Variants in IGFBP6 observed in about 807,000 individuals in gnomAD.
IGFBP6 encodes insulin like growth factor binding protein 6.
IGFBP6 carries 24 observed loss-of-function variants against 24.5 expected under a neutral mutation model. That is an observed-to-expected ratio of 0.98 (90% CI 0.71 to 1.38). The LOEUF (loss-of-function observed/expected upper bound fraction) is 1.38, where lower values mean the gene tolerates loss of function less well. IGFBP6 is among the 40% of genes most tolerant of loss of function. The probability of loss-of-function intolerance (pLI) is 0.00; values close to 1 mark genes in which losing one functional copy is unlikely to be tolerated. For synonymous variants in IGFBP6, 147 were observed against 137.4 expected (o/e 1.07, Z -0.49); for missense variants, 331 against 324.8 (o/e 1.02, Z -0.15).
At position 53,097,715 on chromosome 12, in the gene IGFBP6, A is replaced by C; in HGVS notation, c.-3A>C. 2 of 1,544,228 alleles carry C rather than the reference A, an allele frequency of 1.3e-6. No homozygotes were observed. The highest frequency in any genetic ancestry group is 1.7e-6 in the Non-Finnish European group (2 of 1,146,378). ...AGGAGAGGACGGGGCACAAACCCTGACCATGACCCCCCACAGGCTGCTGCC... is the reference window on the plus strand; with the variant it reads ...AGGAGAGGACGGGGCACAAACCCTGCCCATGACCCCCCACAGGCTGCTGCC... On this transcript the variant is annotated 5_prime_UTR_variant, in exon 1 of 4. Coordinates refer to ENST00000301464, the MANE Select transcript of IGFBP6 (RefSeq NM_002178.3).
intron 3 of IGFBP6, 90 bp from the exon 4 acceptor site, chr12:53,101,955 G>T: frequency 1.2e-5 from 10 of 821,562 alleles, no homozygotes; most frequent in Non-Finnish European, 1.7e-5. Context: ...ACGCTCAGGT[G>T]TTTTTACATC....
chr12:53,101,036 C>T lies in IGFBP6; in HGVS notation c.481-5C>T. On this transcript the variant is annotated splice_region_variant and splice_polypyrimidine_tract_variant and intron_variant, in intron 2 of 3. Coordinates refer to ENST00000301464, the MANE Select transcript of IGFBP6 (RefSeq NM_002178.3). ...GTTCTAAGCTGCCTACTCTCCCTTC[C>T]CCAGGGCCCATGCCGTAGACATCTG... 1 of 1,613,788 alleles carries T rather than the reference C, an allele frequency of 6.2e-7. No individual in the cohort carries two copies. The highest frequency in any genetic ancestry group is 1.1e-5 in the South Asian group (1 of 91,080).
At chr12:53,098,560 G>T (rs1468448858) in intron 1 of IGFBP6, among the ~76,000 whole-genome samples, 5 of 152,200 alleles carry the variant, frequency 3.3e-5, no homozygotes, top group African/African-American at 1.2e-4. Context: ...AACAGGAGGC[G>T]TCTAGAACCG....
chr12:53,101,860 A>T (rs556410570), intron 3 of IGFBP6, among the ~76,000 whole-genome samples, 185 bp from the exon 4 acceptor site: 2 of 139,096 alleles, frequency 1.4e-5, no homozygotes, highest in African/African-American at 5.4e-5. Flanking sequence ...GATCATGCCA[A>T]TGCATTCCAG....
At position 53,097,675 on chromosome 12, in the gene IGFBP6, T is replaced by C; in HGVS notation, c.-43T>C. On this transcript the variant is annotated 5_prime_UTR_variant, in exon 1 of 4. Transcript: ENST00000301464. ...GGGCGGCGGCGGGCAGCAGCTGCGC[T>C]GCGACTGCTCTGGAAGGAGAGGACG... 2 of 1,521,118 alleles carry C rather than the reference T, an allele frequency of 1.3e-6. No homozygotes were observed. The highest frequency in any genetic ancestry group is 1.8e-6 in the Non-Finnish European group (2 of 1,138,892). 94.2% of individuals were successfully genotyped at this position (1,521,118 alleles called of 1,614,324 possible).
Position 53,100,766 on chromosome 12 carries a change from A to G in IGFBP6, c.389A>G (p.Gln130Arg), listed in dbSNP as rs1937812922. 3.1e-6 allele frequency: 5 copies of G among 1,614,064 alleles called. No individual in the cohort carries two copies. The highest frequency in any genetic ancestry group is 2.7e-5 in the African/African-American group (2 of 74,936). Reference protein sequence around the residue: ...SKPQAGTARPQDVNRRDQQRN... With the variant: ...SKPQAGTARPRDVNRRDQQRN... ...CCCCAAGCAGGCACTGCCCGCCCAC[A>G]GGATGTGAACCGCAGAGACCAACAG... The change falls in exon 2 of 4, where the codon CAG becomes CGG. Residue 130 changes from glutamine to arginine, a missense_variant. By Grantham distance (43) the Gln-to-Arg change is conservative. Transcript: ENST00000301464.
At chr12:53,098,999 G>C in intron 1 of IGFBP6, 1 of 184,028 alleles carries the variant, frequency 5.4e-6, no homozygotes, top group Non-Finnish European at 1.2e-5. Context: ...GGAACTAAAT[G>C]GTTGGGTGCT....
chr12:53,100,309 G>A (rs558952928), intron 1 of IGFBP6, among the ~76,000 whole-genome samples: 5 of 152,104 alleles, frequency 3.3e-5, no homozygotes, highest in East Asian at 3.9e-4. Flanking sequence ...GCAGGTGCAC[G>A]CCACCACACC....
At position 53,097,756 on chromosome 12, in the gene IGFBP6, G is replaced by T. The variant is rs748160271; in HGVS notation, c.39G>T (p.Leu13=). ...GGCTGCTGCCACCGCTGCTGCTGCT[G>T]CTAGCTCTGCTGCTCGCTGCCAGCC... ...PHRLLPPLLL[L]LALLLAASPG... The change falls in exon 1 of 4, where the codon CTG becomes CTT. Residue 13 remains leucine (L), a synonymous_variant. Transcript: ENST00000301464. The T allele has an allele frequency of 2.6e-6, 4 of 1,545,398 alleles. No homozygotes were observed. Among genetic ancestry groups the T allele is most frequent in the Non-Finnish European group, 3.5e-6 (4 of 1,146,342 alleles).
In IGFBP6 at chr12:53,098,068, C is replaced by G. The variant is rs957876315; in HGVS notation, c.334+17C>G. On this transcript the variant is annotated intron_variant, in intron 1 of 3. Coordinates refer to ENST00000301464, the MANE Select transcript of IGFBP6 (RefSeq NM_002178.3). Reference sequence around the variant, plus strand: ...CGCCTGCTGGTGAGTCCGCGCCCCGCCCCTGCCCCGCCCACGTGAGACCCG... The same window carrying G: ...CGCCTGCTGGTGAGTCCGCGCCCCGGCCCTGCCCCGCCCACGTGAGACCCG... 7.1e-7 allele frequency: 1 copy of G among 1,411,296 alleles called. No individual in the cohort carries two copies. Among genetic ancestry groups the G allele is most frequent in the Non-Finnish European group, 9.1e-7 (1 of 1,093,002 alleles). The allele number at this position is 1,411,296 out of a possible 1,614,324, so 87.4% of individuals were successfully genotyped here.
chr12:53,101,898 CAAAAAAAAAAA>C (rs57771658), intron 3 of IGFBP6, 136 bp from the exon 4 acceptor site: 24 of 199,426 alleles, frequency 1.2e-4, no homozygotes, highest in African/African-American at 4.6e-4. Flanking sequence ...GACTCCATCT[CAAAAAAAAAAA>C]AAAAAAAAAA....
At chr12:53,100,983 G>A in intron 2 of IGFBP6, 58 bp from the exon 3 acceptor site, 1 of 1,606,096 alleles carries the variant, frequency 6.2e-7, no homozygotes, top group Non-Finnish European at 8.5e-7. Flanking sequence ...TGGGCCAGAA[G>A]GTTGGAATGG....
chr12:53,101,835 G>T (rs1286226245), intron 3 of IGFBP6, among the ~76,000 whole-genome samples: 1 of 141,344 alleles, frequency 7.1e-6, no homozygotes, highest in African/African-American at 2.6e-5. Context: ...GGAGGTGGAG[G>T]TTGCAGTGAG....
chr12:53,100,641 A>G (rs1182684177), intron 1 of IGFBP6, 71 bp from the exon 2 acceptor site: 1 of 1,500,846 alleles, frequency 6.7e-7, no homozygotes, highest in Non-Finnish European at 9.2e-7. Flanking sequence ...TCAGCAGGTG[A>G]TGTGGGCAAG....
chr12:53,100,931 G>A (rs1937816298), intron 2 of IGFBP6, 74 bp downstream of exon 2: 2 of 1,605,832 alleles, frequency 1.2e-6, no homozygotes, highest in East Asian at 2.2e-5. Context: ...GCTCCCTTGG[G>A]CTTGGAGACG....
In IGFBP6 at chr12:53,102,030, T is replaced by C; in HGVS notation, c.601-15T>C. On this transcript the variant is annotated splice_polypyrimidine_tract_variant and intron_variant, in intron 3 of 3. Coordinates refer to ENST00000301464, the MANE Select transcript of IGFBP6 (RefSeq NM_002178.3). ...CCTCTGGCCTCACTCCTGACCTGTG[T>C]GCCTCTCTCTCCAGTGCCGCTCCTC... 1 of 1,611,862 alleles carries C rather than the reference T, an allele frequency of 6.2e-7. No individual in the cohort carries two copies. The highest frequency in any genetic ancestry group is 8.5e-7 in the Non-Finnish European group (1 of 1,179,538).
rs1276034029 is a variant in IGFBP6, at chr12:53,097,900, G to C, written c.183G>C (p.Glu61Asp). ...CAGCCGAGGGCTGCGCGGAAGCTGA[G>C]GGCTGTCTCAGGAGGGAGGGGCAGG... ...GSPAEGCAEA[E>D]GCLRREGQEC... The change falls in exon 1 of 4, where the codon GAG becomes GAC. Residue 61 changes from glutamate (E) to aspartate (D), a missense_variant. Physicochemically the swap from Glu to Asp is conservative, Grantham distance 45. Transcript: ENST00000301464. 7.2e-6 allele frequency: 11 copies of C among 1,518,572 alleles called. No homozygotes were observed. Among genetic ancestry groups the C allele is most frequent in the Non-Finnish European group, 9.7e-6 (11 of 1,136,294 alleles). 94.1% of individuals were successfully genotyped at this position (1,518,572 alleles called of 1,614,324 possible). A position where few individuals can be genotyped will look rare whatever the true frequency, so the allele number is the denominator to read the frequency against.
chr12:53,102,074 T>G lies in IGFBP6; in HGVS notation c.630T>G (p.Gly210=). Residue 210 remains glycine, a synonymous_variant, in exon 4 of 4, where the codon GGT becomes GGG. Coordinates refer to ENST00000301464, the MANE Select transcript of IGFBP6 (RefSeq NM_002178.3). Reference sequence around the variant, plus strand: ...GCTCCTCCCAGGGGCAGCGCCGAGGTCCCTGCTGGTGTGTGGATCGGATGG... The same window carrying G: ...GCTCCTCCCAGGGGCAGCGCCGAGGGCCCTGCTGGTGTGTGGATCGGATGG... ...QCRSSQGQRR[G]PCWCVDRMGK... is the part of the protein sequence containing the mutation. 6.2e-7 allele frequency: 1 copy of G among 1,613,880 alleles called. No individual in the cohort carries two copies. The highest frequency in any genetic ancestry group is 8.5e-7 in the Non-Finnish European group (1 of 1,179,970).
rs533366519 is a variant in IGFBP6 at position 53,102,226 on chromosome 12, A to G, written c.*59A>G. The G allele has an allele frequency of 6.3e-7, 1 of 1,594,674 alleles. No homozygotes were observed. Among genetic ancestry groups the G allele is most frequent in the East Asian group, 2.2e-5 (1 of 44,486 alleles). The stretch of plus-strand genomic sequence containing the variant: ...AAGGAACATGGAGCTGTCATCACTC[A>G]ACAAAAAACCGAGGCCCTCAATCCA... On this transcript the variant is annotated 3_prime_UTR_variant, in exon 4 of 4. Coordinates refer to ENST00000301464, the MANE Select transcript of IGFBP6 (RefSeq NM_002178.3).
Sources: allele counts gnomAD v4.1 joint callset (sites outside exome capture counted in the v4.1 genomes callset), GRCh38; gene constraint gnomAD v4.1.1; transcripts MANE v1.5; gene names NCBI Gene and HGNC (gene_info 2026-07-23, HGNC 2026-07-21).